Variants in ADCY7 observed in about 807,000 individuals in gnomAD.
ADCY7 encodes adenylate cyclase 7.
Under a neutral mutation model 120.6 loss-of-function variants are expected in ADCY7, and 72 were observed. The ratio of observed to expected loss-of-function variants is 0.60; its 90% CI spans 0.49 to 0.73. The LOEUF is 0.73. Among genes scored for constraint, ADCY7 ranks in the 30% least tolerant of loss-of-function variants. The pLI is 0.00. For synonymous variants in ADCY7, 661 were observed against 628.0 expected (o/e 1.05, Z -0.78); for missense variants, 1,227 against 1,486.0 (o/e 0.83, Z 2.87).
chr16:50,305,368 C>A, intron 12 of ADCY7, 135 bp from the exon 13 acceptor site: 1 of 804,810 alleles, frequency 1.2e-6, no homozygotes, highest in Admixed American at 2.0e-5. Flanking sequence ...CTCTCTGGGC[C>A]TCAGTGGGAC....
rs777789294 is a variant in ADCY7 at position 50,291,835 on chromosome 16, C to T, written c.475C>T (p.Leu159Phe). ...AVGAVSTASHLLVLGSLMGGF... is the reference protein window; with the variant it reads ...AVGAVSTASHFLVLGSLMGGF... ...TGGGGCCGTCTCCACTGCCTCCCAC[C>T]TCCTGGTGCTCGGTTCTTTGATGGG... is the stretch of plus-strand genomic sequence containing the variant. The change falls in exon 4 of 26, where the codon CTC (leucine) becomes TTC (phenylalanine). Residue 159 changes from leucine to phenylalanine, a missense_variant. Transcript: ENST00000673801. 6.2e-7 allele frequency: 1 copy of T among 1,614,066 alleles called. No individual in the cohort carries two copies. Among genetic ancestry groups the T allele is most frequent in the South Asian group, 1.1e-5 (1 of 91,088 alleles).
chr16:50,312,306 C>T, intron 21 of ADCY7, 115 bp downstream of exon 21: 1 of 1,215,248 alleles, frequency 8.2e-7, no homozygotes, highest in Non-Finnish European at 1.2e-6. Flanking sequence ...CAGGTCCTGG[C>T]CTCACCGGGA....
At chr16:50,301,903 A>T (rs1596953603) in intron 10 of ADCY7, 1 of 152,610 alleles carries the variant, frequency 6.6e-6, no homozygotes, top group Non-Finnish European at 1.5e-5. Flanking sequence ...CGACTGCCAG[A>T]CCCTGGGGGA....
intron 14 of ADCY7, among the ~76,000 whole-genome samples, chr16:50,306,066 C>T (rs1490070609): frequency 1.3e-5 from 2 of 152,230 alleles, no homozygotes; most frequent in Non-Finnish European, 2.9e-5. Context: ...CCCAAATGCA[C>T]CATCAGAGAT....
chr16:50,302,787 G>A (rs1395904189), intron 10 of ADCY7, among the ~76,000 whole-genome samples: 3 of 152,176 alleles, frequency 2.0e-5, no homozygotes, highest in Non-Finnish European at 4.4e-5. Context: ...GCAGTGGCGG[G>A]CCCCATGGTC....
intron 7 of ADCY7, 38 bp downstream of exon 7, chr16:50,294,789 C>A: frequency 6.8e-7 from 1 of 1,468,808 alleles, no homozygotes; most frequent in Non-Finnish European, 9.5e-7. Flanking sequence ...AGCCAGGCCC[C>A]TCCCCTGCCT....
At chr16:50,298,395 CTG>C (rs1370910775) in intron 7 of ADCY7, among the ~76,000 whole-genome samples, 1 of 152,184 alleles carries the variant, frequency 6.6e-6, no homozygotes, top group Non-Finnish European at 1.5e-5. Flanking sequence ...GATTCCAACT[CTG>C]AGAGGTCTTC....
chr16:50,280,980 G>A (rs1313333991), intron 1 of ADCY7, among the ~76,000 whole-genome samples: 1 of 152,172 alleles, frequency 6.6e-6, no homozygotes, highest in African/African-American at 2.4e-5. Flanking sequence ...GGGGGCTATG[G>A]AGGGGGAGCA....
intron 2 of ADCY7, 145 bp from the exon 3 acceptor site, chr16:50,290,312 A>G (rs957914422): frequency 1.2e-6 from 1 of 824,078 alleles, no homozygotes; most frequent in Admixed American, 2.6e-5. Context: ...CCAGAAGGTG[A>G]GTGGGAACCA....
chr16:50,312,394 G>A (rs921155942), intron 21 of ADCY7, among the ~76,000 whole-genome samples: 9 of 152,286 alleles, frequency 5.9e-5, no homozygotes, highest in Non-Finnish European at 1.3e-4. Flanking sequence ...GTGTGGTCGT[G>A]AACAAGGCAC....
intron 21 of ADCY7, 146 bp from the exon 22 acceptor site, chr16:50,312,744 A>G: frequency 1.3e-6 from 1 of 776,842 alleles, no homozygotes; most frequent in Non-Finnish European, 2.1e-6. Flanking sequence ...CAGCCACCAG[A>G]TGAAACTCAT....
intron 1 of ADCY7, among the ~76,000 whole-genome samples, chr16:50,276,524 C>G (rs1398974707): frequency 6.6e-6 from 1 of 152,206 alleles, no homozygotes; most frequent in African/African-American, 2.4e-5. Flanking sequence ...CTGTTATTCT[C>G]CTTTTGTTAA....
At chr16:50,311,845 C>A (rs548002381) in intron 20 of ADCY7, 59 bp downstream of exon 20, 6 of 1,304,470 alleles carry the variant, frequency 4.6e-6, no homozygotes, top group Non-Finnish European at 6.5e-6. Flanking sequence ...TCACCTCCAT[C>A]TGGAGATGGG....
intron 8 of ADCY7, among the ~76,000 whole-genome samples, chr16:50,300,080 T>A (rs370871570): frequency 6.6e-6 from 1 of 150,972 alleles, no homozygotes; most frequent in African/African-American, 2.5e-5. Context: ...GCCAGTAAAC[T>A]TTATTTATTT....
At position 50,305,589 on chromosome 16, in the gene ADCY7, G is replaced by A. The variant is rs768576431; in HGVS notation, c.1679+3G>A. On this transcript the variant is annotated splice_donor_region_variant and intron_variant, in intron 13 of 25. Transcript: ENST00000673801. ...ATTGAGGGGCTCAGCTCCACGAGGT[G>A]AGGTCTGAGACCTCTGTCCACCCCC... 1 of 1,594,504 alleles carries A rather than the reference G, an allele frequency of 6.3e-7. No individual in the cohort carries two copies. The highest frequency in any genetic ancestry group is 8.6e-7 in the Non-Finnish European group (1 of 1,168,714).
chr16:50,247,568 C>T (rs1368140013), intron 1 of ADCY7, among the ~76,000 whole-genome samples: 1 of 133,100 alleles, frequency 7.5e-6, no homozygotes, highest in African/African-American at 2.8e-5. Context: ...TTGGTGGACG[C>T]ATGGTCTCAC....
intron 8 of ADCY7, among the ~76,000 whole-genome samples, chr16:50,299,950 C>A (rs948584018): frequency 1.3e-5 from 2 of 152,146 alleles, no homozygotes; most frequent in Non-Finnish European, 2.9e-5. Flanking sequence ...GTGGTGCTAA[C>A]AACTCCCAGG....
chr16:50,281,673 G>T (rs569821095), intron 1 of ADCY7, among the ~76,000 whole-genome samples: 467 of 152,330 alleles, frequency 3.1e-3, no homozygotes, highest in Non-Finnish European at 5.2e-3. Flanking sequence ...CTCTTGGTAC[G>T]GGAGGTGCCT....
At chr16:50,274,932 A>C (rs1044227899) in intron 1 of ADCY7, among the ~76,000 whole-genome samples, 13 of 152,148 alleles carry the variant, frequency 8.5e-5, no homozygotes, top group African/African-American at 2.4e-5. Context: ...TGTACCTTAC[A>C]TCACCTGACA....
Sources: allele counts gnomAD v4.1 joint callset (sites outside exome capture counted in the v4.1 genomes callset), GRCh38; gene constraint gnomAD v4.1.1; transcripts MANE v1.5; gene names NCBI Gene and HGNC (gene_info 2026-07-23, HGNC 2026-07-21).